FER: variants seen among roughly 807,000 people sequenced by gnomAD.
The protein encoded by FER is tyrosine-protein kinase Fer.
In FER, 63 loss-of-function variants were observed where a neutral mutation model predicts 111.0. That is an observed-to-expected ratio of 0.57 (90% confidence interval 0.46 to 0.70). The LOEUF (loss-of-function observed/expected upper bound fraction) is 0.70. FER is among the 30% of genes least tolerant of loss of function. The probability of loss-of-function intolerance (pLI) is 0.00; values close to 1 mark genes in which losing one functional copy is unlikely to be tolerated. For missense variants in FER, 914 were observed against 954.0 expected (o/e 0.96, Z 0.55); for synonymous variants, 327 against 313.9 (o/e 1.04, Z -0.44).
intron 9 of FER, among the ~76,000 whole-genome samples, chr5:108,888,642 T>G (rs958134621): frequency 6.6e-6 from 1 of 151,928 alleles, no homozygotes; most frequent in African/African-American, 2.4e-5. Flanking sequence ...TAATTTCTAC[T>G]TACTGAAGTA....
chr5:108,931,809 G>A (rs1350344212), intron 10 of FER, among the ~76,000 whole-genome samples: 5 of 151,968 alleles, frequency 3.3e-5, no homozygotes, highest in Non-Finnish European at 7.4e-5. Context: ...CACCCTAGGC[G>A]ACAAGAATGA....
At chr5:108,939,976 T>A (rs1169002918) in intron 10 of FER, among the ~76,000 whole-genome samples, 3 of 152,104 alleles carry the variant, frequency 2.0e-5, no homozygotes, top group Non-Finnish European at 4.4e-5. Context: ...AATATGTACT[T>A]AGTAATCTTT....
intron 13 of FER, among the ~76,000 whole-genome samples, chr5:109,017,293 C>T (rs1005199405): frequency 6.6e-6 from 1 of 151,714 alleles, no homozygotes; most frequent in Admixed American, 6.6e-5. Flanking sequence ...ATATATTTTG[C>T]AAATCAAAAA....
Position 108,946,227 on chromosome 5 carries a change from G to A in FER, c.1329+5G>A, listed in dbSNP as rs1466446141. On this transcript the variant is annotated splice_donor_5th_base_variant and intron_variant, in intron 11 of 19. Transcript: ENST00000281092. ...TCTGCACTGGGCTCTTCAGCAGTAAGTAGGATTAACTCTCTGTGCTACTGA... is the reference window on the plus strand; with the variant it reads ...TCTGCACTGGGCTCTTCAGCAGTAAATAGGATTAACTCTCTGTGCTACTGA... 1 of 1,601,390 alleles carries A rather than the reference G, an allele frequency of 6.2e-7. No homozygotes were observed. Among genetic ancestry groups the A allele is most frequent in the Non-Finnish European group, 8.5e-7 (1 of 1,169,696 alleles).
At chr5:108,911,729 C>T (rs1410962383) in intron 10 of FER, among the ~76,000 whole-genome samples, 1 of 152,044 alleles carries the variant, frequency 6.6e-6, no homozygotes, top group East Asian at 1.9e-4. Context: ...GTAGCCTTTC[C>T]TCACTGTTTA....
intron 13 of FER, among the ~76,000 whole-genome samples, chr5:108,997,697 A>G (rs576270014): frequency 2.3e-4 from 35 of 152,228 alleles, no homozygotes; most frequent in Admixed American, 1.8e-3. Context: ...GCCATCAGGC[A>G]GGGACGGTTA....
chr5:109,168,556 G>A lies in FER; in HGVS notation c.2049-12191G>A, dbSNP rs531564331. 4.6e-5 allele frequency among the ~76,000 whole-genome samples: 7 copies of A among 152,270 alleles called. No individual in the cohort carries two copies. The South Asian group carries it at 1.5e-3, about 32-fold the overall frequency. On this transcript the variant is annotated intron_variant, in intron 17 of 19. Transcript: ENST00000281092. ...ATAGCTAAAGATGAGGGAGGTGCTG[G>A]AGGGTGGTGCACCCAGAGAGGGCAT...
intron 10 of FER, among the ~76,000 whole-genome samples, chr5:108,907,531 G>A (rs1750960603): frequency 6.6e-6 from 1 of 151,856 alleles, no homozygotes; most frequent in Non-Finnish European, 1.5e-5. Flanking sequence ...CTGACTTAGG[G>A]ATCCACCCGC....
chr5:109,057,087 A>C (rs1773752319), intron 16 of FER, among the ~76,000 whole-genome samples: 1 of 152,176 alleles, frequency 6.6e-6, no homozygotes, highest in African/African-American at 2.4e-5. Flanking sequence ...GTAGTTACAT[A>C]GGTTGTCTGC....
intron 16 of FER, among the ~76,000 whole-genome samples, chr5:109,060,983 C>T (rs1002997821): frequency 6.6e-6 from 1 of 152,082 alleles, no homozygotes; most frequent in Non-Finnish European, 1.5e-5. Context: ...TGCTCCTGCC[C>T]CTGCTTCTAA....
At chr5:108,890,967 A>G (rs537528776) in intron 9 of FER, among the ~76,000 whole-genome samples, 2 of 152,202 alleles carry the variant, frequency 1.3e-5, no homozygotes, top group African/African-American at 4.8e-5. Flanking sequence ...GTTTTGTACT[A>G]TTACACATTT....
intron 18 of FER, among the ~76,000 whole-genome samples, chr5:109,182,097 G>A (rs114891906): frequency 0.021 from 3,160 of 152,198 alleles, 54 homozygotes; most frequent in Middle Eastern, 0.037. Flanking sequence ...TCCTTTTTAG[G>A]ACTGAATAAT....
intron 16 of FER, among the ~76,000 whole-genome samples, chr5:109,061,617 T>A (rs1774426095): frequency 6.6e-6 from 1 of 152,176 alleles, no homozygotes; most frequent in Non-Finnish European, 1.5e-5. Flanking sequence ...TGCAAGATAC[T>A]CTGTGGATGA....
intron 5 of FER, among the ~76,000 whole-genome samples, chr5:108,837,107 C>G (rs1314339701): frequency 6.6e-6 from 1 of 152,152 alleles, no homozygotes; most frequent in African/African-American, 2.4e-5. Context: ...GGAAAGAGCA[C>G]AGGCTTTGGA....
intron 16 of FER, chr5:109,052,544 G>T (rs896922952): frequency 6.7e-5 from 45 of 670,744 alleles, no homozygotes; most frequent in Non-Finnish European, 1.1e-4. Context: ...AAATGAAAAG[G>T]CAAATTCAGG....
At chr5:109,003,115 G>A (rs1765021660) in intron 13 of FER, among the ~76,000 whole-genome samples, 1 of 152,112 alleles carries the variant, frequency 6.6e-6, no homozygotes. Flanking sequence ...TCCCATTACT[G>A]GGTATATACC....
intron 17 of FER, among the ~76,000 whole-genome samples, chr5:109,138,583 A>G (rs1314010124): frequency 6.6e-6 from 1 of 152,096 alleles, no homozygotes; most frequent in Non-Finnish European, 1.5e-5. Context: ...TACTCTCCCC[A>G]ACCCCTTCTG....
intron 16 of FER, among the ~76,000 whole-genome samples, chr5:109,069,846 T>G (rs1446358017): frequency 2.0e-5 from 3 of 152,140 alleles, no homozygotes; most frequent in African/African-American, 7.2e-5. Flanking sequence ...TTAAATGTAA[T>G]GGATGATGAG....
intron 10 of FER, among the ~76,000 whole-genome samples, chr5:108,943,757 A>G (rs529440463): frequency 1.3e-5 from 2 of 152,114 alleles, no homozygotes; most frequent in South Asian, 4.1e-4. Context: ...GTTTTGAGAC[A>G]GGGTCTTGCT....
Sources: gnomAD v4.1 joint callset for allele counts (sites outside exome capture counted in the v4.1 genomes callset) on GRCh38, gnomAD v4.1.1 for gene constraint, MANE v1.5 for transcripts, NCBI Gene and HGNC (gene_info 2026-07-23, HGNC 2026-07-21) for gene names.